Variants in RASEF observed in about 807,000 individuals in gnomAD.
The protein encoded by RASEF is ras and EF-hand domain-containing protein.
Under a neutral mutation model 90.1 loss-of-function variants are expected in RASEF, and 68 were observed. That is an observed-to-expected ratio of 0.75 (90% CI 0.62 to 0.92). The LOEUF (loss-of-function observed/expected upper bound fraction) is 0.92, where lower values mean the gene tolerates loss of function less well. RASEF is among the 40% of genes least tolerant of loss of function. The probability of loss-of-function intolerance (pLI) is 0.00; values close to 1 mark genes in which losing one functional copy is unlikely to be tolerated. For missense variants in RASEF, 949 were observed against 937.2 expected (o/e 1.01, Z -0.16); for synonymous variants, 331 against 345.2 (o/e 0.96, Z 0.46).
intron 2 of RASEF, 50 bp downstream of exon 2, chr9:83,025,725 G>C (rs375174734): frequency 1.3e-6 from 2 of 1,583,096 alleles, no homozygotes; most frequent in Non-Finnish European, 1.7e-6. Context: ...CCAGGTCAGA[G>C]AGCAAGTTAA....
intron 1 of RASEF, among the ~76,000 whole-genome samples, chr9:83,058,308 G>C (rs184319770): frequency 7.2e-6 from 1 of 137,962 alleles, no homozygotes; most frequent in Non-Finnish European, 1.5e-5. Context: ...TCAGCCTCCC[G>C]AGTAGCTGGG....
At chr9:83,112,372 T>G in the RASEF span, among the ~76,000 whole-genome samples, 2 of 152,230 alleles carry the variant, frequency 1.3e-5, no homozygotes, top group African/African-American at 4.8e-5. Flanking sequence ...GCACATTCAT[T>G]TCATGTAACC....
At chr9:83,056,662 A>C (rs1830109030) in intron 1 of RASEF, among the ~76,000 whole-genome samples, 1 of 152,260 alleles carries the variant, frequency 6.6e-6, no homozygotes, top group African/African-American at 2.4e-5. Flanking sequence ...GGGTAGTGTA[A>C]CTGAATTTAA....
intron 3 of RASEF, among the ~76,000 whole-genome samples, chr9:83,017,448 C>T (rs1031640281): frequency 1.6e-4 from 24 of 151,626 alleles, no homozygotes; most frequent in Admixed American, 4.6e-4. Context: ...TGCAGTGAGC[C>T]GAGATCGCGC....
chr9:83,016,771 G>GCAT (rs755258434), intron 3 of RASEF, among the ~76,000 whole-genome samples: 3 of 152,024 alleles, frequency 2.0e-5, no homozygotes, highest in Non-Finnish European at 4.4e-5. Context: ...AGTAAGGTAG[G>GCAT]GCCTCTCTGC....
intron 1 of RASEF, among the ~76,000 whole-genome samples, chr9:83,058,199 T>A (rs200444755): frequency 2.2e-5 from 3 of 138,212 alleles, no homozygotes; most frequent in East Asian, 4.3e-4. Context: ...TTTTTTTTTT[T>A]TGAGAAGGAG....
At chr9:83,029,055 T>G (rs1829596007) in intron 1 of RASEF, among the ~76,000 whole-genome samples, 2 of 152,150 alleles carry the variant, frequency 1.3e-5, no homozygotes, top group Non-Finnish European at 2.9e-5. Context: ...AATAAACTTG[T>G]GTTGTTTAAG....
chr9:83,181,199 A>G, the RASEF span, among the ~76,000 whole-genome samples: 1 of 150,858 alleles, frequency 6.6e-6, no homozygotes, highest in Non-Finnish European at 1.5e-5. Flanking sequence ...AAAAAAAAAA[A>G]TTTGCTGGGA....
upstream of RASEF, chr9:83,063,168 T>C (rs1008063177): frequency 3.2e-5 from 12 of 376,658 alleles, no homozygotes; most frequent in Non-Finnish European, 9.5e-6. Context: ...GAGGTGGCTC[T>C]CGCCACTTTC....
the RASEF span, among the ~76,000 whole-genome samples, chr9:83,078,640 G>T: frequency 6.6e-6 from 1 of 151,728 alleles, no homozygotes; most frequent in Non-Finnish European, 1.5e-5. Flanking sequence ...CTTCAGCCTG[G>T]GCAACAGAAC....
the RASEF span, among the ~76,000 whole-genome samples, chr9:83,148,386 C>T: frequency 7.2e-5 from 11 of 152,034 alleles, no homozygotes; most frequent in Non-Finnish European, 1.5e-4. Context: ...AACTGGTATC[C>T]TTATACAAAG....
upstream of RASEF, among the ~76,000 whole-genome samples, chr9:83,063,361 C>G (rs1260764264): frequency 6.6e-6 from 1 of 152,238 alleles, no homozygotes; most frequent in East Asian, 1.9e-4. Flanking sequence ...GCCCAGCGCT[C>G]CGCTTCTCCA....
chr9:83,182,797 A>G, the RASEF span, among the ~76,000 whole-genome samples: 1 of 152,194 alleles, frequency 6.6e-6, no homozygotes, highest in African/African-American at 2.4e-5. Flanking sequence ...CTAACTTTGG[A>G]AAGAAACTTA....
the RASEF span, among the ~76,000 whole-genome samples, chr9:83,216,180 G>T: frequency 6.6e-6 from 1 of 152,196 alleles, no homozygotes; most frequent in African/African-American, 2.4e-5. Context: ...ATTTTCTGGG[G>T]AGAAATTCAA....
At chr9:83,205,183 A>C in the RASEF span, among the ~76,000 whole-genome samples, 1 of 152,206 alleles carries the variant, frequency 6.6e-6, no homozygotes, top group Non-Finnish European at 1.5e-5. Context: ...AGATTGCCTG[A>C]GGCCAAATAC....
intron 10 of RASEF, 55 bp from the exon 11 acceptor site, chr9:83,000,625 C>T: frequency 6.7e-7 from 1 of 1,503,282 alleles, no homozygotes; most frequent in African/African-American, 1.4e-5. Flanking sequence ...AGTTAAAATA[C>T]AAAGTCTAAA....
chr9:83,001,186 A>G, intron 9 of RASEF, 56 bp from the exon 10 acceptor site: 1 of 1,286,664 alleles, frequency 7.8e-7, no homozygotes, highest in East Asian at 2.4e-5. Flanking sequence ...TCAAGAACAT[A>G]CAGGCAATAG....
chr9:83,205,871 C>T, the RASEF span, among the ~76,000 whole-genome samples: 1 of 152,178 alleles, frequency 6.6e-6, no homozygotes, highest in Non-Finnish European at 1.5e-5. Flanking sequence ...TAGATGAACA[C>T]ACCGTATAGA....
At chr9:83,132,138 A>T in the RASEF span, among the ~76,000 whole-genome samples, 1 of 151,974 alleles carries the variant, frequency 6.6e-6, no homozygotes, top group African/African-American at 2.4e-5. Context: ...CACTTGTAAT[A>T]AAAAAAATAC....
Sources: gnomAD v4.1 joint callset for allele counts (sites outside exome capture counted in the v4.1 genomes callset) on GRCh38, gnomAD v4.1.1 for gene constraint, MANE v1.5 for transcripts, NCBI Gene and HGNC (gene_info 2026-07-23, HGNC 2026-07-21) for gene names.